The following LRP1B variants were observed in gnomAD, a reference collection of about 807,000 sequenced individuals.
LRP1B encodes LDL receptor related protein 1B.
Under a neutral mutation model 556.6 loss-of-function variants are expected in LRP1B, and 217 were observed. That is an observed-to-expected ratio of 0.39 (90% CI 0.35 to 0.44). LRP1B has a LOEUF of 0.44. Ranked by LOEUF, LRP1B falls within the 20% of genes least tolerant of loss-of-function variation. The pLI is 1.00. For missense variants in LRP1B, 5,053 were observed against 5,620.8 expected, an observed-to-expected ratio of 0.90 and a Z score of 3.23; for synonymous variants, 2,047 against 1,865.8, an observed-to-expected ratio of 1.10 and a Z score of -2.50.
intron 32 of LRP1B, among the ~76,000 whole-genome samples, chr2:140,798,932 C>CT (rs1277773788): frequency 6.6e-6 from 1 of 152,066 alleles, no homozygotes; most frequent in Non-Finnish European, 1.5e-5. Context: ...CACACAGTTA[C>CT]TATGTCTATT....
At chr2:140,619,329 G>T (rs1316587652) in intron 41 of LRP1B, among the ~76,000 whole-genome samples, 2 of 151,914 alleles carry the variant, frequency 1.3e-5, no homozygotes, top group African/African-American at 2.4e-5. Flanking sequence ...TTGTTCTTAT[G>T]TTTTGGTTTT....
intron 31 of LRP1B, among the ~76,000 whole-genome samples, chr2:140,837,048 T>C (rs1691929950): frequency 1.3e-5 from 2 of 152,228 alleles, no homozygotes; most frequent in Admixed American, 1.3e-4. Flanking sequence ...TAAACTCACT[T>C]AGAGTCTTAA....
rs140621599 is a variant in LRP1B, at chr2:141,823,612, T to C, written c.83-13211A>G. 1.9e-4 allele frequency among the ~76,000 whole-genome samples: 29 copies of C among 152,246 alleles called. No individual in the cohort carries two copies. In the East Asian group the frequency reaches 5.2e-3, roughly 27 times the overall value. On this transcript the variant is annotated intron_variant, in intron 1 of 90. Transcript: ENST00000389484. ...GGAAATCACAAAGGGAAACATGGCA[T>C]GTTAAGAGAATATTAAATAATAGTT... is the stretch of plus-strand genomic sequence containing the variant.
intron 18 of LRP1B, among the ~76,000 whole-genome samples, chr2:140,956,852 A>G (rs1695888373): frequency 6.6e-6 from 1 of 151,766 alleles, no homozygotes; most frequent in African/African-American, 2.4e-5. Context: ...ATCTCTGAAC[A>G]GAGGTCTGTG....
chr2:141,150,573 G>A (rs769930490), intron 7 of LRP1B, among the ~76,000 whole-genome samples: 8 of 152,090 alleles, frequency 5.3e-5, no homozygotes, highest in South Asian at 2.1e-4. Flanking sequence ...TCTTTGCTAC[G>A]AGAAAGTTAC....
chr2:141,052,318 T>G (rs1237639449), intron 10 of LRP1B, among the ~76,000 whole-genome samples: 1 of 152,052 alleles, frequency 6.6e-6, no homozygotes, highest in African/African-American at 2.4e-5. Flanking sequence ...CTATCAACAT[T>G]AGATACTTAC....
intron 1 of LRP1B, among the ~76,000 whole-genome samples, chr2:142,069,568 A>C (rs1321531745): frequency 6.6e-6 from 1 of 151,654 alleles, no homozygotes; most frequent in Non-Finnish European, 1.5e-5. Context: ...TCAAGGATTG[A>C]CTGTGGCTTG....
chr2:140,370,249 G>A (rs1330939660), intron 71 of LRP1B, among the ~76,000 whole-genome samples: 2 of 151,864 alleles, frequency 1.3e-5, no homozygotes, highest in African/African-American at 4.8e-5. Flanking sequence ...TAGGGATTTG[G>A]GGCACAACCT....
intron 41 of LRP1B, among the ~76,000 whole-genome samples, chr2:140,607,466 A>G (rs1452444286): frequency 6.6e-6 from 1 of 152,096 alleles, no homozygotes; most frequent in Non-Finnish European, 1.5e-5. Flanking sequence ...ACAAATGTTC[A>G]ACAAATGTTC....
At chr2:141,113,854 A>G (rs1700814271) in intron 7 of LRP1B, among the ~76,000 whole-genome samples, 3 of 152,150 alleles carry the variant, frequency 2.0e-5, no homozygotes, top group African/African-American at 4.8e-5. Context: ...AGCAGTCACT[A>G]TTAGGACACT....
chr2:141,082,696 G>A (rs184713371), intron 7 of LRP1B, among the ~76,000 whole-genome samples: 1 of 152,296 alleles, frequency 6.6e-6, no homozygotes, highest in Non-Finnish European at 1.5e-5. Context: ...GGCAGTAAGG[G>A]TAGAATATAG....
chr2:141,405,410 T>C (rs1357149539), intron 3 of LRP1B, among the ~76,000 whole-genome samples: 2 of 152,168 alleles, frequency 1.3e-5, no homozygotes, highest in African/African-American at 2.4e-5. Flanking sequence ...TAGAACTACA[T>C]TAATTTAGTC....
chr2:140,855,565 G>C (rs1377313831), intron 27 of LRP1B, among the ~76,000 whole-genome samples: 1 of 147,398 alleles, frequency 6.8e-6, no homozygotes, highest in African/African-American at 2.5e-5. Flanking sequence ...TACTATTAAT[G>C]TTTCCCCCAA....
chr2:141,196,022 C>T (rs1242065117), intron 6 of LRP1B, among the ~76,000 whole-genome samples: 3 of 151,884 alleles, frequency 2.0e-5, no homozygotes, highest in Admixed American at 2.0e-4. Context: ...GGTAAAGGGG[C>T]TATTTTGTAG....
intron 1 of LRP1B, among the ~76,000 whole-genome samples, chr2:141,897,475 C>A (rs1399361718): frequency 6.6e-6 from 1 of 152,012 alleles, no homozygotes; most frequent in Non-Finnish European, 1.5e-5. Context: ...AATGTGTGAG[C>A]TGAATATTTT....
chr2:140,303,808 C>T (rs574411406), intron 83 of LRP1B, among the ~76,000 whole-genome samples: 9 of 152,034 alleles, frequency 5.9e-5, no homozygotes, highest in East Asian at 5.8e-4. Flanking sequence ...TCCCTCCCCC[C>T]CTCCTCCCAC....
At chr2:141,711,666 T>C (rs1369614600) in intron 2 of LRP1B, among the ~76,000 whole-genome samples, 1 of 152,140 alleles carries the variant, frequency 6.6e-6, no homozygotes, top group Non-Finnish European at 1.5e-5. Context: ...ACATAAAATA[T>C]AAAATTCACA....
rs2105389905 is a variant in LRP1B, at chr2:141,015,927, A to G, written c.1971-12T>C. On this transcript the variant is annotated splice_polypyrimidine_tract_variant and intron_variant, in intron 12 of 90. Coordinates refer to ENST00000389484, the MANE Select transcript of LRP1B (RefSeq NM_018557.3). ...TCCAATACATCCAACTAAGACATTA[A>G]AAAAACAACAAAAATGCATACATGT... The G allele has an allele frequency of 6.3e-7, 1 of 1,591,580 alleles. No individual in the cohort carries two copies. Among genetic ancestry groups the G allele is most frequent in the Non-Finnish European group, 8.6e-7 (1 of 1,159,846 alleles).
At chr2:140,272,852 C>T (rs2104948728) in intron 85 of LRP1B, among the ~76,000 whole-genome samples, 1 of 152,028 alleles carries the variant, frequency 6.6e-6, no homozygotes, top group Non-Finnish European at 1.5e-5. Context: ...TCCACTATCT[C>T]CTCATTGTTA....
Sources: gnomAD v4.1 joint callset for allele counts (sites outside exome capture counted in the v4.1 genomes callset) on GRCh38, gnomAD v4.1.1 for gene constraint, MANE v1.5 for transcripts, NCBI Gene and HGNC (gene_info 2026-07-23, HGNC 2026-07-21) for gene names.